Variants in MFF observed in about 807,000 individuals in gnomAD.
MFF encodes chromosome 2 open reading frame 33.
Under a neutral mutation model 36.9 loss-of-function variants are expected in MFF, and 12 were observed. The ratio of observed to expected loss-of-function variants is 0.33; its 90% CI spans 0.21 to 0.53. The LOEUF is 0.53. MFF is among the 20% of genes least tolerant of loss of function. The pLI, the probability that MFF is intolerant of heterozygous loss-of-function variation, is 0.95. For synonymous variants in MFF, 99 were observed against 126.2 expected (o/e 0.78, Z 1.44); for missense variants, 348 against 366.6 (o/e 0.95, Z 0.42).
chr2:227,333,387 T>C (rs993692524), intron 4 of MFF, among the ~76,000 whole-genome samples: 1 of 152,222 alleles, frequency 6.6e-6, no homozygotes, highest in Non-Finnish European at 1.5e-5. Context: ...TGAGGTAATA[T>C]GCTCACAGTT....
rs2075424102 is a variant in MFF, at chr2:227,342,055, A to G, written c.440+1675A>G. Among the ~76,000 whole-genome samples, 4 of 152,158 alleles carry G rather than the reference A, an allele frequency of 2.6e-5. 1 individual carries two copies. Among genetic ancestry groups the G allele is most frequent in the Middle Eastern group, 6.8e-3 (2 of 294 alleles). On this transcript the variant is annotated intron_variant, in intron 5 of 8. Transcript: ENST00000304593. ...ACATAAGTTCCTCATAACAGAAAAG[A>G]TTTACAGTGTTAACTAATACTTGAT...
intron 4 of MFF, among the ~76,000 whole-genome samples, chr2:227,334,992 G>A (rs2074878366): frequency 2.0e-5 from 3 of 151,936 alleles, no homozygotes; most frequent in African/African-American, 7.3e-5. Context: ...AACATGGTGA[G>A]ACCCTGTCTC....
chr2:227,333,380 G>A (rs547788434), intron 4 of MFF, among the ~76,000 whole-genome samples: 1 of 152,224 alleles, frequency 6.6e-6, no homozygotes, highest in South Asian at 2.1e-4. Flanking sequence ...ACATAATTGA[G>A]GTAATATGCT....
chr2:227,354,510 G>A (rs1344368851), intron 7 of MFF, among the ~76,000 whole-genome samples: 1 of 152,030 alleles, frequency 6.6e-6, no homozygotes, highest in African/African-American at 2.4e-5. Context: ...ATACATGTGA[G>A]GTGAATTATG....
At chr2:227,352,485 G>C in intron 6 of MFF, 29 bp from the exon 7 acceptor site, 1 of 1,506,934 alleles carries the variant, frequency 6.6e-7, no homozygotes, top group Non-Finnish European at 9.0e-7. Context: ...ATTCTGTCTT[G>C]TGCCTTCTCC....
At chr2:227,343,194 C>G (rs148162284) in intron 5 of MFF, among the ~76,000 whole-genome samples, 4 of 151,644 alleles carry the variant, frequency 2.6e-5, no homozygotes, top group African/African-American at 9.7e-5. Context: ...TTTCAGCGCA[C>G]TGTCTTTTCT....
In MFF at chr2:227,355,691, A is replaced by G. The variant is rs377263177; in HGVS notation, c.674A>G (p.Asn225Ser). The G allele has an allele frequency of 5.6e-6, 9 of 1,607,722 alleles. No individual in the cohort carries two copies. The highest frequency in any genetic ancestry group is 1.1e-5 in the South Asian group (1 of 90,786). The change falls in exon 8 of 9, where the codon AAT becomes AGT. Residue 225 changes from asparagine to serine, a missense_variant. Asn to Ser is a conservative substitution (Grantham distance 46, BLOSUM62 1). Coordinates refer to ENST00000304593, the MANE Select transcript of MFF (RefSeq NM_001277062.2). ...HHDNVRYGIS[N>S]IDTTIEGTSD... ...CTTATCTGCAGGTATGGCATTTCAA[A>G]TATAGATACAACCATTGAAGGAACG...
chr2:227,335,702 G>A (rs915415863), intron 4 of MFF, among the ~76,000 whole-genome samples: 2 of 152,206 alleles, frequency 1.3e-5, no homozygotes, highest in African/African-American at 2.4e-5. Flanking sequence ...AGTTGTACTT[G>A]AGTTCTTAAA....
chr2:227,349,716 TG>T (rs2075893047), intron 6 of MFF, among the ~76,000 whole-genome samples: 1 of 152,176 alleles, frequency 6.6e-6, no homozygotes, highest in South Asian at 2.1e-4. Context: ...GTATCTGGCA[TG>T]ACTTTTCAGA....
intron 4 of MFF, among the ~76,000 whole-genome samples, chr2:227,339,466 A>C (rs2075264324): frequency 3.3e-5 from 5 of 152,190 alleles, no homozygotes; most frequent in Admixed American, 3.3e-4. Context: ...AGTTATCTGA[A>C]GGTTTGCTCA....
intron 3 of MFF, among the ~76,000 whole-genome samples, chr2:227,331,960 T>TA (rs776363044): frequency 0.43 from 13,248 of 30,718 alleles, 4,008 homozygotes; most frequent in South Asian, 0.5. Context: ...GCTGGAAGCA[T>TA]TTTTTTTTTT....
At chr2:227,331,958 CATTTTTT>C (rs1559949661) in intron 3 of MFF, among the ~76,000 whole-genome samples, 2 of 33,548 alleles carry the variant, frequency 6.0e-5, no homozygotes, top group East Asian at 1.0e-3. Context: ...ACGCTGGAAG[CATTTTTT>C]TTTTTTTTTT....
At chr2:227,355,626 A>T in intron 7 of MFF, 51 bp from the exon 8 acceptor site, 1 of 1,010,358 alleles carries the variant, frequency 9.9e-7, no homozygotes, top group Non-Finnish European at 1.5e-6. Context: ...CGTGCCATTT[A>T]CTCTGAGTTC....
At chr2:227,343,624 G>C (rs1303228282) in intron 5 of MFF, among the ~76,000 whole-genome samples, 3 of 152,130 alleles carry the variant, frequency 2.0e-5, no homozygotes, top group African/African-American at 7.2e-5. Context: ...TTGGAAGAGT[G>C]ATACCTCACC....
chr2:227,336,937 T>G (rs1037625728), intron 4 of MFF, among the ~76,000 whole-genome samples: 1 of 152,192 alleles, frequency 6.6e-6, no homozygotes, highest in Non-Finnish European at 1.5e-5. Context: ...AGTGAATATT[T>G]AAAAGGGTCC....
At chr2:227,331,959 A>ATTT (rs10549336) in intron 3 of MFF, among the ~76,000 whole-genome samples, 775 of 76,280 alleles carry the variant, frequency 0.01, 151 homozygotes, top group Non-Finnish European at 0.015. Context: ...CGCTGGAAGC[A>ATTT]TTTTTTTTTT....
At chr2:227,328,048 G>C (rs1234269199) in intron 1 of MFF, among the ~76,000 whole-genome samples, 1 of 152,130 alleles carries the variant, frequency 6.6e-6, no homozygotes, top group Non-Finnish European at 1.5e-5. Context: ...TGCATTACTA[G>C]TTCAAAATTT....
intron 4 of MFF, among the ~76,000 whole-genome samples, chr2:227,337,030 C>G (rs979883633): frequency 2.6e-5 from 4 of 152,184 alleles, no homozygotes; most frequent in African/African-American, 4.8e-5. Flanking sequence ...CTTTTTCCTT[C>G]CTCATCACTT....
chr2:227,332,375 C>A, intron 3 of MFF, 44 bp from the exon 4 acceptor site: 1 of 1,462,984 alleles, frequency 6.8e-7, no homozygotes, highest in East Asian at 2.3e-5. Flanking sequence ...TTTAAAAAAC[C>A]TCCCGCTTTT....
Sources: allele counts gnomAD v4.1 joint callset (sites outside exome capture counted in the v4.1 genomes callset), GRCh38; gene constraint gnomAD v4.1.1; transcripts MANE v1.5; gene names NCBI Gene and HGNC (gene_info 2026-07-23, HGNC 2026-07-21).